DEPTOR: variants seen among roughly 807,000 people sequenced by gnomAD.
The protein encoded by DEPTOR is DEP domain containing MTOR interacting protein, also known as DEP domain-containing mTOR-interacting protein.
DEPTOR carries 41 observed loss-of-function variants against 41.6 expected under a neutral mutation model. The ratio of observed to expected loss-of-function variants is 0.98; its 90% CI spans 0.77 to 1.28. DEPTOR has a LOEUF of 1.28. DEPTOR is among the 50% of genes most tolerant of loss of function. The pLI is 0.00. For synonymous variants in DEPTOR, 195 were observed against 192.3 expected (o/e 1.01, Z -0.12); for missense variants, 514 against 527.9 (o/e 0.97, Z 0.26).
At chr8:120,043,383 T>G (rs1813109447) in intron 8 of DEPTOR, among the ~76,000 whole-genome samples, 1 of 152,206 alleles carries the variant, frequency 6.6e-6, no homozygotes, top group African/African-American at 2.4e-5. Context: ...AATAAGTATC[T>G]AAGTTTACAT....
intron 4 of DEPTOR, among the ~76,000 whole-genome samples, chr8:119,986,031 A>C (rs1828826553): frequency 6.7e-6 from 1 of 149,036 alleles, no homozygotes; most frequent in Non-Finnish European, 1.5e-5. Context: ...GTTAACATTT[A>C]AGGTTAATAT....
chr8:119,931,711 T>A (rs1828045836), intron 3 of DEPTOR, among the ~76,000 whole-genome samples: 1 of 152,202 alleles, frequency 6.6e-6, no homozygotes, highest in Non-Finnish European at 1.5e-5. Flanking sequence ...CTGACTCACA[T>A]GAATTTGAAT....
At chr8:120,021,897 C>T (rs1016301762) in intron 8 of DEPTOR, among the ~76,000 whole-genome samples, 14 of 151,780 alleles carry the variant, frequency 9.2e-5, no homozygotes, top group Non-Finnish European at 1.3e-4. Context: ...TTAATTGCAA[C>T]TCTTACGGAA....
intron 6 of DEPTOR, among the ~76,000 whole-genome samples, chr8:120,005,475 T>C (rs1343297701): frequency 6.6e-6 from 1 of 152,218 alleles, no homozygotes; most frequent in Non-Finnish European, 1.5e-5. Flanking sequence ...AGCTGCCTGG[T>C]AGATCATCAC....
chr8:119,881,144 G>A (rs1358231170), intron 1 of DEPTOR, among the ~76,000 whole-genome samples: 1 of 152,144 alleles, frequency 6.6e-6, no homozygotes, highest in African/African-American at 2.4e-5. Flanking sequence ...GCTTACTATT[G>A]TCTTTTTAAT....
chr8:119,918,217 A>G (rs1827839167), intron 1 of DEPTOR, among the ~76,000 whole-genome samples: 1 of 152,098 alleles, frequency 6.6e-6, no homozygotes, highest in South Asian at 2.1e-4. Context: ...CGTTCCACCT[A>G]ACGAGAAAAA....
At chr8:119,986,522 G>A (rs919008594) in intron 4 of DEPTOR, among the ~76,000 whole-genome samples, 3 of 152,054 alleles carry the variant, frequency 2.0e-5, no homozygotes, top group African/African-American at 2.4e-5. Context: ...TGCTCTTCTC[G>A]AGGAGTATCT....
intron 1 of DEPTOR, among the ~76,000 whole-genome samples, chr8:119,887,733 G>T (rs566285297): frequency 4.6e-5 from 7 of 150,892 alleles, no homozygotes; most frequent in African/African-American, 1.5e-4. Context: ...CCCCTGACCT[G>T]ACCTCAAGTG....
chr8:120,030,482 T>TGTGTA (rs1812869506), intron 8 of DEPTOR, among the ~76,000 whole-genome samples: 1 of 143,114 alleles, frequency 7.0e-6, no homozygotes, highest in South Asian at 2.2e-4. Context: ...AATGATGTAT[T>TGTGTA]GTGTAGGTTC....
At chr8:120,038,088 G>A (rs1204730446) in intron 8 of DEPTOR, among the ~76,000 whole-genome samples, 1 of 146,494 alleles carries the variant, frequency 6.8e-6, no homozygotes, top group Non-Finnish European at 1.5e-5. Context: ...GCAACATGAT[G>A]CAACCCCTGT....
chr8:119,928,781 G>A (rs977195574), intron 2 of DEPTOR, among the ~76,000 whole-genome samples: 13 of 144,284 alleles, frequency 9.0e-5, no homozygotes, highest in Admixed American at 4.3e-4. Flanking sequence ...AGTAGAGACC[G>A]GGTTTCACCC....
chr8:119,993,060 C>T (rs1812200904), intron 4 of DEPTOR, among the ~76,000 whole-genome samples: 2 of 152,126 alleles, frequency 1.3e-5, no homozygotes, highest in Non-Finnish European at 2.9e-5. Context: ...AATTTCCCCC[C>T]TTTTAAGTAA....
chr8:120,031,292 C>T (rs1812888294), intron 8 of DEPTOR, among the ~76,000 whole-genome samples: 1 of 151,990 alleles, frequency 6.6e-6, no homozygotes, highest in African/African-American at 2.4e-5. Flanking sequence ...CATGGTGAAA[C>T]CGTCTCTACT....
intron 1 of DEPTOR, among the ~76,000 whole-genome samples, chr8:119,886,212 G>A (rs1329129262): frequency 6.6e-6 from 1 of 152,098 alleles, no homozygotes; most frequent in Non-Finnish European, 1.5e-5. Flanking sequence ...TCATGTGCCA[G>A]CTCTTTTATT....
chr8:119,940,430 T>A (rs1014251991), intron 3 of DEPTOR, among the ~76,000 whole-genome samples: 1 of 152,018 alleles, frequency 6.6e-6, no homozygotes, highest in Non-Finnish European at 1.5e-5. Context: ...CCACATATAA[T>A]GGAATATTAT....
chr8:119,991,737 C>T (rs1398136640), intron 4 of DEPTOR, among the ~76,000 whole-genome samples: 1 of 152,126 alleles, frequency 6.6e-6, no homozygotes, highest in Non-Finnish European at 1.5e-5. Flanking sequence ...TAATAGCCTC[C>T]AGTCAGATTT....
At chr8:119,946,373 G>C (rs1586627282) in intron 3 of DEPTOR, among the ~76,000 whole-genome samples, 1 of 151,132 alleles carries the variant, frequency 6.6e-6, no homozygotes, top group East Asian at 1.9e-4. Flanking sequence ...TAAGTGTGCA[G>C]CTCAATTCAT....
intron 8 of DEPTOR, among the ~76,000 whole-genome samples, chr8:120,042,075 C>G (rs1040624996): frequency 6.9e-6 from 1 of 144,072 alleles, no homozygotes; most frequent in African/African-American, 2.7e-5. Flanking sequence ...GAAACAGATC[C>G]GATAAAGATA....
intron 3 of DEPTOR, among the ~76,000 whole-genome samples, chr8:119,949,359 T>C (rs1344166466): frequency 6.6e-6 from 1 of 152,230 alleles, no homozygotes; most frequent in East Asian, 1.9e-4. Context: ...TCTGTGGATA[T>C]ATGTTTTCAT....
Sources: allele counts gnomAD v4.1 joint callset (sites outside exome capture counted in the v4.1 genomes callset), GRCh38; gene constraint gnomAD v4.1.1; transcripts MANE v1.5; gene names NCBI Gene and HGNC (gene_info 2026-07-23, HGNC 2026-07-21).